NPAS3: variants seen among roughly 807,000 people sequenced by gnomAD.
The protein encoded by NPAS3 is neuronal PAS domain-containing protein 3.
NPAS3 carries 14 observed loss-of-function variants against 73.1 expected under a neutral mutation model. That is an observed-to-expected ratio of 0.19 (90% CI 0.13 to 0.30). The LOEUF is 0.30. Among genes scored for constraint, NPAS3 ranks in the 10% least tolerant of loss-of-function variants. The pLI, the probability that NPAS3 is intolerant of heterozygous loss-of-function variation, is 1.00. For missense variants in NPAS3, 1,096 were observed against 1,250.0 expected (o/e 0.88, Z 1.86); for synonymous variants, 620 against 541.5 (o/e 1.14, Z -2.01).
At chr14:32,958,218 T>G (rs2036761153) in intron 1 of NPAS3, among the ~76,000 whole-genome samples, 1 of 152,158 alleles carries the variant, frequency 6.6e-6, no homozygotes, top group Admixed American at 6.6e-5. Context: ...GAAAGTTCTC[T>G]TCCCCCAAAT....
At chr14:33,238,329 T>C (rs929275723) in intron 3 of NPAS3, among the ~76,000 whole-genome samples, 3 of 152,036 alleles carry the variant, frequency 2.0e-5, no homozygotes, top group Non-Finnish European at 4.4e-5. Flanking sequence ...AGTTTTAAAA[T>C]GCGGTCATTT....
chr14:33,065,183 A>G (rs1319340541), intron 2 of NPAS3, among the ~76,000 whole-genome samples: 2 of 152,202 alleles, frequency 1.3e-5, no homozygotes, highest in African/African-American at 4.8e-5. Context: ...ATTTTTATCT[A>G]GACATAGTAC....
chr14:33,239,421 G>T (rs188299951), intron 3 of NPAS3, among the ~76,000 whole-genome samples: 2 of 151,976 alleles, frequency 1.3e-5, no homozygotes, highest in Non-Finnish European at 1.5e-5. Context: ...TTTAGTAGAA[G>T]ACAGATAACA....
At chr14:33,115,158 C>T (rs768818474) in intron 2 of NPAS3, among the ~76,000 whole-genome samples, 5 of 152,152 alleles carry the variant, frequency 3.3e-5, no homozygotes, top group African/African-American at 9.6e-5. Flanking sequence ...AGGTTAATAT[C>T]GGAAAGGGAT....
chr14:33,199,424 G>A (rs1012516013), intron 2 of NPAS3, among the ~76,000 whole-genome samples: 5 of 152,090 alleles, frequency 3.3e-5, no homozygotes, highest in Non-Finnish European at 5.9e-5. Context: ...TTCCATGTAG[G>A]CAGGATTTTC....
intron 3 of NPAS3, among the ~76,000 whole-genome samples, chr14:33,309,118 T>C (rs1453471587): frequency 3.3e-5 from 5 of 152,202 alleles, no homozygotes; most frequent in African/African-American, 9.6e-5. Flanking sequence ...CCTGCTTCTA[T>C]TGAGATGTTT....
chr14:33,146,815 G>A (rs1181894489), intron 2 of NPAS3, among the ~76,000 whole-genome samples: 4 of 152,210 alleles, frequency 2.6e-5, no homozygotes, highest in Non-Finnish European at 5.9e-5. Flanking sequence ...GGCAGGAGGA[G>A]TAGAGAAGAG....
In NPAS3 at chr14:33,735,339, C is replaced by T. The variant is rs1176178209; in HGVS notation, c.852+7C>T. 7 of 1,597,708 alleles carry T rather than the reference C, an allele frequency of 4.4e-6. No individual in the cohort carries two copies. The highest frequency in any genetic ancestry group is 1.7e-5 in the Admixed American group (1 of 59,954). On this transcript the variant is annotated splice_region_variant and intron_variant, in intron 7 of 11. Coordinates refer to ENST00000356141, the Ensembl canonical transcript of NPAS3. ...CAAATCATCAGGATATAAGGTAAGC[C>T]GGTTCCGGGAGGGGAGACATTGCTG...
At chr14:33,010,938 C>CAAAAAAAA (rs77196350) in intron 1 of NPAS3, among the ~76,000 whole-genome samples, 3 of 120,294 alleles carry the variant, frequency 2.5e-5, no homozygotes, top group Non-Finnish European at 5.0e-5. Context: ...GAACCTGTCT[C>CAAAAAAAA]AAAAAAAAAA....
intron 2 of NPAS3, among the ~76,000 whole-genome samples, chr14:33,182,813 C>G (rs1210393178): frequency 1.3e-5 from 2 of 152,184 alleles, no homozygotes; most frequent in Admixed American, 6.5e-5. Flanking sequence ...CCTATGTCCC[C>G]TATTCCTTCA....
intron 3 of NPAS3, among the ~76,000 whole-genome samples, chr14:33,329,811 AGTGT>A (rs762081024): frequency 1.3e-5 from 2 of 151,524 alleles, no homozygotes; most frequent in African/African-American, 4.9e-5. Flanking sequence ...TTAAAAGTGG[AGTGT>A]GTGTGTGTGT....
intron 3 of NPAS3, among the ~76,000 whole-genome samples, chr14:33,250,755 G>GTGTTTGAAGTATAGGAA (rs1299676312): frequency 1.3e-5 from 2 of 151,780 alleles, no homozygotes; most frequent in Non-Finnish European, 2.9e-5. Flanking sequence ...TCAGCCTTTG[G>GTGTTTGAAGTATAGGAA]TGTTTGAAGT....
intron 2 of NPAS3, among the ~76,000 whole-genome samples, chr14:33,106,351 T>G (rs1303739818): frequency 1.3e-5 from 2 of 152,334 alleles, no homozygotes; most frequent in East Asian, 3.9e-4. Context: ...TGTCTTTGTT[T>G]CCACTTAACC....
chr14:33,530,807 A>T (rs557959562), intron 4 of NPAS3, among the ~76,000 whole-genome samples: 5 of 152,208 alleles, frequency 3.3e-5, no homozygotes, highest in Admixed American at 6.5e-5. Context: ...AGGTTATTTC[A>T]TGGTGGTAGC....
intron 4 of NPAS3, among the ~76,000 whole-genome samples, chr14:33,399,001 C>T (rs751293577): frequency 6.6e-6 from 1 of 152,002 alleles, no homozygotes; most frequent in Non-Finnish European, 1.5e-5. Context: ...AATGGTTAGA[C>T]CATTTATTTA....
chr14:33,025,247 G>C (rs1409699864), intron 1 of NPAS3, among the ~76,000 whole-genome samples: 1 of 152,202 alleles, frequency 6.6e-6, no homozygotes, highest in Non-Finnish European at 1.5e-5. Context: ...CTTTGCTACT[G>C]ACTGGTTGTA....
intron 9 of NPAS3, among the ~76,000 whole-genome samples, chr14:33,789,896 C>A (rs1259236042): frequency 1.3e-5 from 2 of 152,162 alleles, no homozygotes; most frequent in African/African-American, 4.8e-5. Context: ...GCCTAGAGTA[C>A]AACTTTAAAG....
At chr14:33,194,583 A>G (rs1218137779) in intron 2 of NPAS3, among the ~76,000 whole-genome samples, 1 of 152,186 alleles carries the variant, frequency 6.6e-6, no homozygotes, top group African/African-American at 2.4e-5. Context: ...CTTAGTATTT[A>G]TAGTAATTAC....
chr14:33,630,421 T>G (rs760691536), intron 5 of NPAS3, among the ~76,000 whole-genome samples: 5 of 152,206 alleles, frequency 3.3e-5, no homozygotes. Flanking sequence ...TTCTTAGTAT[T>G]CCTTAATTAT....
Sources: gnomAD v4.1 joint callset for allele counts (sites outside exome capture counted in the v4.1 genomes callset) on GRCh38, gnomAD v4.1.1 for gene constraint, MANE v1.5 for transcripts, NCBI Gene and HGNC (gene_info 2026-07-23, HGNC 2026-07-21) for gene names.